LAMA2: variants seen among roughly 807,000 people sequenced by gnomAD.
LAMA2 encodes the protein laminin subunit alpha 2.
A neutral mutation model predicts 364.8 loss-of-function variants in LAMA2; 269 were observed. The observed-to-expected ratio is 0.74, with a 90% CI of 0.67 to 0.82. The LOEUF (loss-of-function observed/expected upper bound fraction) is 0.82. LAMA2 is among the 40% of genes least tolerant of loss of function. LAMA2 has a pLI of 0.00. For synonymous variants in LAMA2, 1,379 were observed against 1,370.6 expected, an observed-to-expected ratio of 1.01 and a Z score of -0.14; for missense variants, 3,807 against 3,873.2, an observed-to-expected ratio of 0.98 and a Z score of 0.45.
intron 9 of LAMA2, among the ~76,000 whole-genome samples, chr6:129,167,114 T>A (rs1273673381): frequency 6.6e-6 from 1 of 152,148 alleles, no homozygotes; most frequent in Non-Finnish European, 1.5e-5. Flanking sequence ...TTTATCCCAG[T>A]CTTACTTCCA....
At chr6:129,460,617 A>G (rs767629238) in intron 49 of LAMA2, among the ~76,000 whole-genome samples, 46 of 151,964 alleles carry the variant, frequency 3.0e-4, no homozygotes, top group Non-Finnish European at 5.6e-4. Context: ...TTCCACTCCA[A>G]TGTTCTTTCA....
chr6:129,343,067 T>G (rs1004182790), intron 30 of LAMA2, among the ~76,000 whole-genome samples: 1 of 152,174 alleles, frequency 6.6e-6, no homozygotes, highest in African/African-American at 2.4e-5. Flanking sequence ...ATATCTTATT[T>G]CAGTGCTGTC....
intron 29 of LAMA2, among the ~76,000 whole-genome samples, chr6:129,336,603 A>G (rs981742161): frequency 2.6e-5 from 4 of 152,246 alleles, no homozygotes; most frequent in Admixed American, 2.0e-4. Context: ...TGCTAGAGAA[A>G]TTAAATAACT....
At chr6:129,060,071 T>G (rs1788792289) in intron 3 of LAMA2, among the ~76,000 whole-genome samples, 175 bp downstream of exon 3, 1 of 152,192 alleles carries the variant, frequency 6.6e-6, no homozygotes, top group Non-Finnish European at 1.5e-5. Flanking sequence ...TTACGAGTAT[T>G]CAGCATTTAA....
intron 24 of LAMA2, 89 bp downstream of exon 24, chr6:129,314,887 G>T: frequency 7.3e-7 from 1 of 1,369,886 alleles, no homozygotes; most frequent in South Asian, 1.2e-5. Flanking sequence ...AGTAGAAAAT[G>T]GCAAAACATT....
chr6:129,143,785 C>T, intron 4 of LAMA2, 116 bp from the exon 5 acceptor site: 1 of 740,110 alleles, frequency 1.4e-6, no homozygotes, highest in Non-Finnish European at 2.3e-6. Context: ...GTACCTGAAT[C>T]TGCGTAACTA....
At chr6:128,892,960 T>C (rs1776551999) in intron 1 of LAMA2, among the ~76,000 whole-genome samples, 1 of 151,900 alleles carries the variant, frequency 6.6e-6, no homozygotes, top group Non-Finnish European at 1.5e-5. Context: ...ATTTTGAAAA[T>C]ATTTCAGACA....
chr6:129,453,213 A>C, intron 46 of LAMA2, 82 bp downstream of exon 46: 1 of 1,267,876 alleles, frequency 7.9e-7, no homozygotes, highest in Non-Finnish European at 1.1e-6. Context: ...GAATCCCCAA[A>C]TGTATATGGT....
chr6:129,445,544 G>A, intron 44 of LAMA2, 123 bp from the exon 45 acceptor site: 1 of 834,670 alleles, frequency 1.2e-6, no homozygotes, highest in Non-Finnish European at 2.0e-6. Flanking sequence ...TGCTTTAGCT[G>A]TTATGGCCAT....
At chr6:128,993,118 C>T (rs980357457) in intron 1 of LAMA2, among the ~76,000 whole-genome samples, 27 of 152,274 alleles carry the variant, frequency 1.8e-4, no homozygotes, top group African/African-American at 6.0e-4. Flanking sequence ...ACCCCAGCAA[C>T]GCCACTGATT....
At chr6:129,232,830 AG>A (rs1455706486) in intron 12 of LAMA2, among the ~76,000 whole-genome samples, 2 of 152,266 alleles carry the variant, frequency 1.3e-5, no homozygotes, top group Admixed American at 1.3e-4. Context: ...AAAGTAGAAG[AG>A]GGGGTCAGAG....
chr6:129,506,142 C>T (rs867926240), intron 61 of LAMA2, among the ~76,000 whole-genome samples: 2 of 152,038 alleles, frequency 1.3e-5, no homozygotes, highest in Middle Eastern at 3.4e-3. Context: ...CACTTGAGAC[C>T]AGGAGTTCAA....
chr6:129,286,194 C>A (rs1415746795), intron 18 of LAMA2, among the ~76,000 whole-genome samples: 3 of 152,110 alleles, frequency 2.0e-5, no homozygotes, highest in Admixed American at 2.0e-4. Flanking sequence ...AAATTATATT[C>A]TCCCACATTG....
intron 2 of LAMA2, among the ~76,000 whole-genome samples, chr6:129,059,156 G>C (rs1788704823): frequency 6.6e-6 from 1 of 152,126 alleles, no homozygotes; most frequent in Non-Finnish European, 1.5e-5. Flanking sequence ...ACTTATTTCA[G>C]CATTTGCTGG....
intron 4 of LAMA2, among the ~76,000 whole-genome samples, chr6:129,112,499 G>A (rs761259848): frequency 9.2e-5 from 14 of 151,888 alleles, no homozygotes; most frequent in Non-Finnish European, 7.4e-5. Context: ...ACCACCAAAC[G>A]ATTTGATATC....
chr6:129,192,210 T>C (rs571161112), intron 11 of LAMA2, among the ~76,000 whole-genome samples: 169 of 152,358 alleles, frequency 1.1e-3, no homozygotes, highest in African/African-American at 4.0e-3. Context: ...ATAGTTTCTT[T>C]CTTTTTCCCT....
intron 12 of LAMA2, among the ~76,000 whole-genome samples, chr6:129,241,211 T>A (rs1785376537): frequency 6.6e-6 from 1 of 152,206 alleles, no homozygotes; most frequent in South Asian, 2.1e-4. Context: ...GTGATTAAAA[T>A]TCAGCAGATA....
chr6:129,016,342 CAA>C (rs564571903), intron 1 of LAMA2, among the ~76,000 whole-genome samples: 36 of 152,046 alleles, frequency 2.4e-4, no homozygotes, highest in Admixed American at 1.8e-3. Context: ...AGCATATACT[CAA>C]GAGAAATAGG....
intron 29 of LAMA2, among the ~76,000 whole-genome samples, chr6:129,332,019 A>G (rs1041243097): frequency 6.6e-6 from 1 of 152,196 alleles, no homozygotes; most frequent in Non-Finnish European, 1.5e-5. Flanking sequence ...TGAAATCTAC[A>G]TAGTGGTATT....
Sources: allele counts gnomAD v4.1 joint callset (sites outside exome capture counted in the v4.1 genomes callset), GRCh38; gene constraint gnomAD v4.1.1; transcripts MANE v1.5; gene names NCBI Gene and HGNC (gene_info 2026-07-23, HGNC 2026-07-21).